Variants in RBFOX1 observed in about 807,000 individuals in gnomAD.
RBFOX1 encodes the protein RNA binding protein fox-1 homolog 1.
In RBFOX1, 8 loss-of-function variants were observed where a neutral mutation model predicts 57.7. The ratio of observed to expected loss-of-function variants is 0.14; its 90% CI spans 0.08 to 0.25. RBFOX1 has a LOEUF of 0.25. RBFOX1 is among the 10% of genes least tolerant of loss of function. The pLI, the probability that RBFOX1 is intolerant of heterozygous loss-of-function variation, is 1.00. For synonymous variants in RBFOX1, 326 were observed against 222.4 expected (o/e 1.47, Z -4.15); for missense variants, 611 against 548.5 (o/e 1.11, Z -1.14).
chr16:7,356,009 A>G (rs2097208354), intron 4 of RBFOX1, among the ~76,000 whole-genome samples: 1 of 152,170 alleles, frequency 6.6e-6, no homozygotes, highest in Non-Finnish European at 1.5e-5. Flanking sequence ...ACTGTGCTTT[A>G]TTGGTTTGAA....
chr16:6,216,123 C>G (rs761049491), intron 1 of RBFOX1, among the ~76,000 whole-genome samples: 3 of 151,968 alleles, frequency 2.0e-5, no homozygotes, highest in Non-Finnish European at 4.4e-5. Flanking sequence ...ACACCGGGGC[C>G]TTTTGGAGGG....
chr16:7,474,914 A>G (rs900536666), intron 4 of RBFOX1, among the ~76,000 whole-genome samples: 2 of 152,114 alleles, frequency 1.3e-5, no homozygotes, highest in Non-Finnish European at 1.5e-5. Context: ...ATATTTTCCA[A>G]TATTTATGGA....
chr16:6,717,112 G>T (rs1242299969), intron 3 of RBFOX1, among the ~76,000 whole-genome samples: 1 of 152,134 alleles, frequency 6.6e-6, no homozygotes, highest in Non-Finnish European at 1.5e-5. Context: ...GATTGATCCT[G>T]GGATTCCTAG....
Position 7,414,970 on chromosome 16 carries a change from A to C in RBFOX1, c.28-103177A>C, listed in dbSNP as rs189071825. ...ATGCAAGGGAAGGTGTTTCATCCCA[A>C]CATTACAGATGAGGGGAGTTGTGAG... is the stretch of plus-strand genomic sequence containing the variant. On this transcript the variant is annotated intron_variant, in intron 4 of 15. Coordinates refer to ENST00000550418, the MANE Select transcript of RBFOX1 (RefSeq NM_018723.4). Among the ~76,000 whole-genome samples the C allele has an allele frequency of 1.2e-3, 181 of 152,294 alleles. 1 individual carries two copies. Among genetic ancestry groups the C allele is most frequent in the Middle Eastern group, 0.01 (3 of 294 alleles).
intron 2 of RBFOX1, among the ~76,000 whole-genome samples, chr16:6,380,679 C>G (rs1366988523): frequency 6.6e-6 from 1 of 151,636 alleles, no homozygotes; most frequent in Admixed American, 6.6e-5. Flanking sequence ...TGTCCTTGAA[C>G]AAATCTCTTT....
In RBFOX1 at chr16:7,573,086, G is replaced by A. The variant is rs1191141827; in HGVS notation, c.271-6691G>A. ...GGTCAAGGGGAGAGAGAGTGCTGGTGCAGAGTTGCTGTAGATCATAGGGCC... is the reference window on the plus strand; with the variant it reads ...GGTCAAGGGGAGAGAGAGTGCTGGTACAGAGTTGCTGTAGATCATAGGGCC... On this transcript the variant is annotated intron_variant, in intron 5 of 15. Transcript: ENST00000550418. Among the ~76,000 whole-genome samples, 3 of 152,282 alleles carry A rather than the reference G, an allele frequency of 2.0e-5. No individual in the cohort carries two copies. The South Asian group carries it at 6.2e-4, about 32-fold the overall frequency.
At chr16:6,906,724 ATTTT>A (rs200335697) in intron 3 of RBFOX1, among the ~76,000 whole-genome samples, 2 of 141,906 alleles carry the variant, frequency 1.4e-5, no homozygotes, top group Non-Finnish European at 1.5e-5. Context: ...TTGCAGAACT[ATTTT>A]TTTTTTTTTT....
Position 7,244,735 on chromosome 16 carries a change from C to T in RBFOX1, c.27+192637C>T, listed in dbSNP as rs552394654. ...CCAATATTGTGTAGTGTGTAAAGATCGGAGGTATTAAATCCAGGACCTGGG... is the reference window on the plus strand; with the variant it reads ...CCAATATTGTGTAGTGTGTAAAGATTGGAGGTATTAAATCCAGGACCTGGG... On this transcript the variant is annotated intron_variant, in intron 4 of 15. Coordinates refer to ENST00000550418, the MANE Select transcript of RBFOX1 (RefSeq NM_018723.4). 5.1e-4 allele frequency among the ~76,000 whole-genome samples: 77 copies of T among 152,230 alleles called. 1 individual carries two copies. The highest frequency in any genetic ancestry group is 2.1e-3 in the Admixed American group (32 of 15,290).
intron 3 of RBFOX1, among the ~76,000 whole-genome samples, chr16:6,794,150 T>C (rs1480783511): frequency 1.3e-5 from 2 of 152,164 alleles, no homozygotes; most frequent in Non-Finnish European, 2.9e-5. Flanking sequence ...TGCTGGAAAG[T>C]GTTCCCTAAG....
At chr16:5,642,443 T>C (rs1025270292) in intron 3 of RBFOX1, among the ~76,000 whole-genome samples, 2 of 152,194 alleles carry the variant, frequency 1.3e-5, no homozygotes, top group African/African-American at 2.4e-5. Flanking sequence ...GTAACACTTG[T>C]GCTGGACTCT....
intron 1 of RBFOX1, among the ~76,000 whole-genome samples, chr16:6,143,157 A>C (rs1394980154): frequency 6.6e-6 from 1 of 152,180 alleles, no homozygotes; most frequent in Non-Finnish European, 1.5e-5. Context: ...TTTCCCTCTT[A>C]ACGTTTTTGT....
chr16:7,257,161 A>G (rs1021947978), intron 4 of RBFOX1, among the ~76,000 whole-genome samples: 11 of 152,190 alleles, frequency 7.2e-5, no homozygotes, highest in Admixed American at 5.9e-4. Flanking sequence ...TTCCGGTCCA[A>G]CTGTTTCTCT....
At chr16:7,418,172 T>A (rs917821146) in intron 4 of RBFOX1, among the ~76,000 whole-genome samples, 4 of 152,178 alleles carry the variant, frequency 2.6e-5, no homozygotes, top group Non-Finnish European at 5.9e-5. Context: ...GAGGACTAGT[T>A]TCCATTGCTG....
At chr16:5,643,825 G>T (rs535076486) in intron 3 of RBFOX1, among the ~76,000 whole-genome samples, 1 of 152,250 alleles carries the variant, frequency 6.6e-6, no homozygotes, top group African/African-American at 2.4e-5. Context: ...CCAATAATGT[G>T]CCAGGCACAT....
chr16:5,550,302 C>A (rs1013962147), intron 2 of RBFOX1, among the ~76,000 whole-genome samples: 2 of 152,096 alleles, frequency 1.3e-5, no homozygotes, highest in Non-Finnish European at 2.9e-5. Flanking sequence ...GTTAGTAAAC[C>A]AAGTGTCTGT....
chr16:5,699,690 T>C (rs1431824093), intron 3 of RBFOX1, among the ~76,000 whole-genome samples: 1 of 152,204 alleles, frequency 6.6e-6, no homozygotes, highest in African/African-American at 2.4e-5. Context: ...AATCCAACTA[T>C]ATTGCATCCT....
Position 6,971,789 on chromosome 16 carries a change from G to T in RBFOX1, c.-15-80268G>T, listed in dbSNP as rs554720135. ...GTGGAGTGTCCACAGTCCTGCTTCTGTTGGGTGTGGAGGGCGAGGGAAATA... is the reference window on the plus strand; with the variant it reads ...GTGGAGTGTCCACAGTCCTGCTTCTTTTGGGTGTGGAGGGCGAGGGAAATA... On this transcript the variant is annotated intron_variant, in intron 3 of 15. Coordinates refer to ENST00000550418, the MANE Select transcript of RBFOX1 (RefSeq NM_018723.4). Among the ~76,000 whole-genome samples the T allele has an allele frequency of 3.3e-5, 5 of 152,208 alleles. No individual in the cohort carries two copies. In the South Asian group the frequency reaches 8.3e-4, roughly 25 times the overall value.
chr16:6,869,284 C>G (rs1461538142), intron 3 of RBFOX1, among the ~76,000 whole-genome samples: 1 of 152,162 alleles, frequency 6.6e-6, no homozygotes, highest in African/African-American at 2.4e-5. Flanking sequence ...AGAACCTTAT[C>G]AAGTAAATAC....
intron 1 of RBFOX1, among the ~76,000 whole-genome samples, chr16:6,201,146 G>A (rs770916892): frequency 1.3e-5 from 2 of 152,034 alleles, no homozygotes; most frequent in Non-Finnish European, 2.9e-5. Context: ...TTCATTCTTT[G>A]TGTAGCTGAA....
Sources: allele counts gnomAD v4.1 joint callset (sites outside exome capture counted in the v4.1 genomes callset), GRCh38; gene constraint gnomAD v4.1.1; transcripts MANE v1.5; gene names NCBI Gene and HGNC (gene_info 2026-07-23, HGNC 2026-07-21).